CPNE4: variants seen among roughly 807,000 people sequenced by gnomAD.
CPNE4 encodes copine-4.
Under a neutral mutation model 67.9 loss-of-function variants are expected in CPNE4, and 25 were observed. The ratio of observed to expected loss-of-function variants is 0.37; its 90% CI spans 0.27 to 0.51. The LOEUF (loss-of-function observed/expected upper bound fraction) is 0.51, where lower values mean the gene tolerates loss of function less well. Among genes scored for constraint, CPNE4 ranks in the 20% least tolerant of loss-of-function variants. The pLI, the probability that CPNE4 is intolerant of heterozygous loss-of-function variation, is 0.93. For synonymous variants in CPNE4, 242 were observed against 244.9 expected (o/e 0.99, Z 0.11); for missense variants, 464 against 690.8 (o/e 0.67, Z 3.68).
chr3:132,038,694 T>C (rs2107712018), upstream of CPNE4, among the ~76,000 whole-genome samples: 1 of 152,292 alleles, frequency 6.6e-6, no homozygotes, highest in East Asian at 1.9e-4. Context: ...TTTAACTACA[T>C]AATATCTTCC....
chr3:131,825,105 T>C (rs1019121589), intron 2 of CPNE4, among the ~76,000 whole-genome samples: 1 of 152,146 alleles, frequency 6.6e-6, no homozygotes, highest in African/African-American at 2.4e-5. Flanking sequence ...GTCATAGTAA[T>C]AAATTTTCCA....
intron 1 of CPNE4, among the ~76,000 whole-genome samples, chr3:131,942,466 GAGAGAGAGAGAGAGAGA>G (rs2071426192): frequency 3.2e-5 from 1 of 31,106 alleles, no homozygotes. Context: ...GTGTGTGTGA[GAGAGAGAGAGAGAGAGA>G]GAGAGAGAGA....
At chr3:131,773,562 G>T (rs542550883) in intron 2 of CPNE4, among the ~76,000 whole-genome samples, 98 of 151,998 alleles carry the variant, frequency 6.4e-4, no homozygotes, top group African/African-American at 2.2e-3. Context: ...TGGTCAGGCT[G>T]GTCTCGAACT....
chr3:132,031,319 A>C (rs1206388264), intron 1 of CPNE4, among the ~76,000 whole-genome samples: 3 of 152,204 alleles, frequency 2.0e-5, no homozygotes, highest in African/African-American at 7.2e-5. Context: ...TGGATCTGCA[A>C]AGGTTTTTGT....
chr3:131,876,397 C>G (rs893112229), intron 2 of CPNE4, among the ~76,000 whole-genome samples: 8 of 151,824 alleles, frequency 5.3e-5, no homozygotes, highest in Admixed American at 4.6e-4. Context: ...AATCCCAGCA[C>G]TTTGGGAAGC....
intron 2 of CPNE4, among the ~76,000 whole-genome samples, chr3:131,844,248 C>G (rs1049647094): frequency 2.6e-4 from 39 of 151,260 alleles, no homozygotes; most frequent in African/African-American, 9.2e-4. Flanking sequence ...GCCCAAGAAT[C>G]TCTGTATGTT....
chr3:131,615,752 C>T (rs542603254), intron 7 of CPNE4, among the ~76,000 whole-genome samples: 1 of 152,068 alleles, frequency 6.6e-6, no homozygotes, highest in Non-Finnish European at 1.5e-5. Flanking sequence ...AGAACATCTG[C>T]ATGCCCATAA....
intron 13 of CPNE4, among the ~76,000 whole-genome samples, chr3:131,551,202 T>G (rs1289277225): frequency 1.3e-5 from 2 of 152,118 alleles, no homozygotes; most frequent in Admixed American, 6.6e-5. Context: ...TGTTCTGTTC[T>G]GCCCTTACAT....
At chr3:132,022,016 G>A (rs761337552) in intron 1 of CPNE4, among the ~76,000 whole-genome samples, 7 of 152,206 alleles carry the variant, frequency 4.6e-5, no homozygotes, top group Non-Finnish European at 8.8e-5. Context: ...CATAGGATTA[G>A]GCAGGTCCCT....
intron 7 of CPNE4, among the ~76,000 whole-genome samples, chr3:131,657,876 T>C (rs1423974122): frequency 1.3e-5 from 2 of 152,072 alleles, no homozygotes; most frequent in African/African-American, 4.8e-5. Flanking sequence ...ATTATCTATA[T>C]TTTTAAGATC....
intron 4 of CPNE4, among the ~76,000 whole-genome samples, chr3:131,698,233 CAAAAAAA>C (rs369274504): frequency 4.7e-4 from 30 of 64,450 alleles, no homozygotes; most frequent in African/African-American, 1.2e-3. Context: ...GGCTCTGTCT[CAAAAAAA>C]AAAAAAAAAA....
chr3:131,650,772 A>AAAAAAAAAAAAAT (rs1560048206), intron 7 of CPNE4, among the ~76,000 whole-genome samples: 1 of 144,582 alleles, frequency 6.9e-6, no homozygotes, highest in African/African-American at 2.5e-5. Context: ...AAAAAAAAAA[A>AAAAAAAAAAAAAT]ATTCTATTAT....
chr3:131,620,575 G>T, intron 7 of CPNE4: 1 of 478,812 alleles, frequency 2.1e-6, no homozygotes, highest in Non-Finnish European at 2.7e-6. Flanking sequence ...ACTTTAAATA[G>T]CAAAAAGAAC....
intron 6 of CPNE4, among the ~76,000 whole-genome samples, chr3:131,685,196 T>TCAC (rs1437453834): frequency 6.6e-6 from 1 of 152,012 alleles, no homozygotes; most frequent in Non-Finnish European, 1.5e-5. Flanking sequence ...ATCATCATCA[T>TCAC]CATGTGTGAG....
At chr3:131,889,286 A>G (rs1411392287) in intron 2 of CPNE4, among the ~76,000 whole-genome samples, 1 of 152,214 alleles carries the variant, frequency 6.6e-6, no homozygotes. Flanking sequence ...GGCTTATAGC[A>G]TCAGCCCCTT....
At chr3:131,696,711 A>C in intron 4 of CPNE4, 95 bp from the exon 5 acceptor site, 1 of 1,083,948 alleles carries the variant, frequency 9.2e-7, no homozygotes, top group Non-Finnish European at 1.4e-6. Context: ...TTCAAAACTC[A>C]ACAAAGACAA....
intron 2 of CPNE4, among the ~76,000 whole-genome samples, chr3:131,751,712 T>G (rs1388410016): frequency 1.3e-5 from 2 of 152,176 alleles, no homozygotes; most frequent in Non-Finnish European, 2.9e-5. Flanking sequence ...CCTAGACATT[T>G]TTTTGTATGT....
At chr3:131,571,653 C>T (rs1355271398) in intron 10 of CPNE4, among the ~76,000 whole-genome samples, 1 of 151,980 alleles carries the variant, frequency 6.6e-6, no homozygotes, top group African/African-American at 2.4e-5. Flanking sequence ...CTTCTTTTTA[C>T]CTGGTACCAG....
intron 2 of CPNE4, among the ~76,000 whole-genome samples, chr3:131,868,071 A>G (rs2087033255): frequency 6.6e-6 from 1 of 152,230 alleles, no homozygotes; most frequent in Non-Finnish European, 1.5e-5. Context: ...ACAGGATTTA[A>G]CAACTTGTAA....
Sources: allele counts gnomAD v4.1 joint callset (sites outside exome capture counted in the v4.1 genomes callset), GRCh38; gene constraint gnomAD v4.1.1; transcripts MANE v1.5; gene names NCBI Gene and HGNC (gene_info 2026-07-23, HGNC 2026-07-21).